Variants in PLEKHA5 observed in about 807,000 individuals in gnomAD.
PLEKHA5 encodes the protein pleckstrin homology domain-containing family A member 5.
In PLEKHA5, 55 loss-of-function variants were observed where a neutral mutation model predicts 181.9. The ratio of observed to expected loss-of-function variants is 0.30; its 90% CI spans 0.24 to 0.38. PLEKHA5 has a LOEUF of 0.38. Ranked by LOEUF, PLEKHA5 falls within the 10% of genes least tolerant of loss-of-function variation. The pLI, the probability that PLEKHA5 is intolerant of heterozygous loss-of-function variation, is 1.00. For synonymous variants in PLEKHA5, 535 were observed against 529.4 expected (o/e 1.01, Z -0.15); for missense variants, 1,432 against 1,549.5 (o/e 0.92, Z 1.27).
At chr12:19,214,655 C>G (rs12424619) in intron 3 of PLEKHA5, among the ~76,000 whole-genome samples, 14,231 of 151,890 alleles carry the variant, frequency 0.094, 811 homozygotes, top group Admixed American at 0.19. Flanking sequence ...TTGAGGGCAA[C>G]AAATATTTGC....
intron 10 of PLEKHA5, among the ~76,000 whole-genome samples, chr12:19,273,599 C>G (rs1484375912): frequency 6.6e-6 from 1 of 152,150 alleles, no homozygotes; most frequent in Non-Finnish European, 1.5e-5. Flanking sequence ...TGCAGGTTCA[C>G]ACACTCAGCT....
chr12:19,297,554 G>A lies in PLEKHA5; in HGVS notation c.2037+5857G>A, dbSNP rs868251268. Among the ~76,000 whole-genome samples the A allele has an allele frequency of 1.0e-4, 15 of 149,760 alleles. No individual in the cohort carries two copies. In the East Asian group the frequency reaches 2.0e-3, roughly 20 times the overall value. On this transcript the variant is annotated intron_variant, in intron 15 of 31. Coordinates refer to ENST00000429027, the MANE Select transcript of PLEKHA5 (RefSeq NM_001256470.2). ...GGAGAATGGCGTGAACCCGGGAAGCGGAGCTTGCAGTGAGCCGAGATTGCG... is the reference window on the plus strand; with the variant it reads ...GGAGAATGGCGTGAACCCGGGAAGCAGAGCTTGCAGTGAGCCGAGATTGCG...
chr12:19,243,574 T>C (rs1165973425), intron 3 of PLEKHA5: 1 of 152,144 alleles, frequency 6.6e-6, no homozygotes, highest in African/African-American at 2.4e-5. Flanking sequence ...TTGGAAATTA[T>C]CCGTTTTCTA....
chr12:19,369,427 C>T (rs1173125484), intron 30 of PLEKHA5, among the ~76,000 whole-genome samples: 2 of 151,946 alleles, frequency 1.3e-5, no homozygotes, highest in African/African-American at 4.8e-5. Context: ...GGCACATAAT[C>T]CCAACACTTC....
chr12:19,245,162 C>T (rs577235599), intron 3 of PLEKHA5, among the ~76,000 whole-genome samples: 1 of 152,220 alleles, frequency 6.6e-6, no homozygotes, highest in Non-Finnish European at 1.5e-5. Flanking sequence ...CCATTTTCCT[C>T]TTTTACCATA....
intron 3 of PLEKHA5, among the ~76,000 whole-genome samples, chr12:19,200,111 G>C (rs975361966): frequency 3.3e-5 from 5 of 151,958 alleles, no homozygotes; most frequent in Admixed American, 6.6e-5. Flanking sequence ...ATGCATTTCT[G>C]AATAAATAGC....
At chr12:19,258,252 C>A (rs1592230632) in intron 6 of PLEKHA5, among the ~76,000 whole-genome samples, 2 of 152,208 alleles carry the variant, frequency 1.3e-5, no homozygotes, top group East Asian at 3.9e-4. Context: ...AGGCTATTTA[C>A]TTCCCAGTTT....
At position 19,336,524 on chromosome 12, in the gene PLEKHA5, C is replaced by A; in HGVS notation, c.2458C>A (p.Arg820=). 1 of 1,589,836 alleles carries A rather than the reference C, an allele frequency of 6.3e-7. No individual in the cohort carries two copies. Among genetic ancestry groups the A allele is most frequent in the Non-Finnish European group, 8.6e-7 (1 of 1,162,362 alleles). ...CACTTTTTGGTTTTAGGAATTGGAA[C>A]GAGCATGGAGAGAATATGATAAGTT... ...ELSRATAELE[R]AWREYDKLEY... is the part of the protein sequence containing the mutation. Residue 820 remains arginine (R), a synonymous_variant, in exon 21 of 32, where the codon CGA becomes AGA. Transcript: ENST00000429027.
At chr12:19,298,408 CTTTTTTTTTTTT>C (rs533661916) in intron 15 of PLEKHA5, among the ~76,000 whole-genome samples, 3 of 106,334 alleles carry the variant, frequency 2.8e-5, no homozygotes, top group Non-Finnish European at 1.9e-5. Flanking sequence ...ATTTTTTTAG[CTTTTTTTTTTTT>C]TTTTTTTTTG....
chr12:19,353,585 G>A lies in PLEKHA5; in HGVS notation c.3020-299G>A, dbSNP rs113542439. ...AGTGATTCTCCTGCCTCAGCCTCCC[G>A]AGTAGTTGGGATTACAGGCATGCGC... On this transcript the variant is annotated intron_variant, in intron 25 of 31. Coordinates refer to ENST00000429027, the MANE Select transcript of PLEKHA5 (RefSeq NM_001256470.2). 6.4e-3 allele frequency among the ~76,000 whole-genome samples: 967 copies of A among 152,126 alleles called. 9 individuals are homozygous for A. Among genetic ancestry groups the A allele is most frequent in the African/African-American group, 0.022 (932 of 41,498 alleles).
chr12:19,298,139 C>T (rs373838850), intron 15 of PLEKHA5, among the ~76,000 whole-genome samples: 46 of 152,096 alleles, frequency 3.0e-4, no homozygotes, highest in African/African-American at 9.4e-4. Flanking sequence ...GCAGAGGTTG[C>T]AGTGAACCGA....
intron 3 of PLEKHA5, among the ~76,000 whole-genome samples, chr12:19,137,947 C>T (rs896894772): frequency 1.3e-5 from 2 of 152,180 alleles, no homozygotes; most frequent in Non-Finnish European, 2.9e-5. Flanking sequence ...TTTAAGAACA[C>T]TTTCTGGATT....
chr12:19,299,966 A>G (rs1211022463), intron 15 of PLEKHA5, among the ~76,000 whole-genome samples: 1 of 152,170 alleles, frequency 6.6e-6, no homozygotes, highest in African/African-American at 2.4e-5. Context: ...TTCTCCAGCC[A>G]GTGACTCACC....
intron 3 of PLEKHA5, among the ~76,000 whole-genome samples, chr12:19,169,070 A>C (rs2045276528): frequency 1.3e-5 from 2 of 152,202 alleles, no homozygotes; most frequent in Non-Finnish European, 2.9e-5. Context: ...TTCTGTTTGT[A>C]GTCCTAGAAA....
chr12:19,324,615 C>T (rs1277717034), intron 20 of PLEKHA5, among the ~76,000 whole-genome samples: 1 of 152,118 alleles, frequency 6.6e-6, no homozygotes, highest in African/African-American at 2.4e-5. Flanking sequence ...ATACTGTCTA[C>T]AAGGAAGTAG....
intron 3 of PLEKHA5, among the ~76,000 whole-genome samples, chr12:19,251,249 G>A (rs2065183619): frequency 6.6e-6 from 1 of 151,514 alleles, no homozygotes; most frequent in Non-Finnish European, 1.5e-5. Flanking sequence ...TACTAAAAAT[G>A]GAAAAAATTA....
At chr12:19,371,389 G>A (rs775048355) in intron 31 of PLEKHA5, 2 of 152,184 alleles carry the variant, frequency 1.3e-5, no homozygotes, top group African/African-American at 4.8e-5. Flanking sequence ...GAATTGTATA[G>A]TGGTGAAGTC....
At chr12:19,178,363 G>A (rs757485169) in intron 3 of PLEKHA5, among the ~76,000 whole-genome samples, 7 of 151,688 alleles carry the variant, frequency 4.6e-5, no homozygotes, top group Non-Finnish European at 1.0e-4. Context: ...CATCATTAAA[G>A]ACAGTAGCAT....
chr12:19,265,943 T>G (rs546485672), intron 8 of PLEKHA5, 93 bp downstream of exon 8: 2 of 572,002 alleles, frequency 3.5e-6, no homozygotes, highest in South Asian at 5.4e-5. Flanking sequence ...AAAGCTACCT[T>G]ATAGTGATTT....
Sources: gnomAD v4.1 joint callset for allele counts (sites outside exome capture counted in the v4.1 genomes callset) on GRCh38, gnomAD v4.1.1 for gene constraint, MANE v1.5 for transcripts, NCBI Gene and HGNC (gene_info 2026-07-23, HGNC 2026-07-21) for gene names.